SNTG1: variants seen among roughly 807,000 people sequenced by gnomAD.
SNTG1 encodes gamma-1-syntrophin.
Under a neutral mutation model 74.7 loss-of-function variants are expected in SNTG1, and 39 were observed. That is an observed-to-expected ratio of 0.52 (90% confidence interval 0.40 to 0.68). SNTG1 has a LOEUF of 0.68. Ranked by LOEUF, SNTG1 falls within the 30% of genes least tolerant of loss-of-function variation. The probability of loss-of-function intolerance (pLI) is 0.00; values close to 1 mark genes in which losing one functional copy is unlikely to be tolerated. For synonymous variants in SNTG1, 254 were observed against 217.1 expected, an observed-to-expected ratio of 1.17 and a Z score of -1.49; for missense variants, 685 against 609.5, an observed-to-expected ratio of 1.12 and a Z score of -1.30.
intron 13 of SNTG1, among the ~76,000 whole-genome samples, chr8:50,652,531 T>TCAAA (rs1382088096): frequency 6.6e-6 from 1 of 152,186 alleles, no homozygotes; most frequent in Non-Finnish European, 1.5e-5. Flanking sequence ...GTGCAGTGGC[T>TCAAA]CAAACCTGTA....
intron 15 of SNTG1, among the ~76,000 whole-genome samples, chr8:50,675,916 A>C (rs2131368308): frequency 6.6e-6 from 1 of 151,814 alleles, no homozygotes; most frequent in East Asian, 1.9e-4. Context: ...TTTGTTTATG[A>C]AGCTTAGTTT....
At chr8:50,104,476 C>T (rs556891229) in intron 1 of SNTG1, among the ~76,000 whole-genome samples, 27 of 152,054 alleles carry the variant, frequency 1.8e-4, no homozygotes, top group African/African-American at 4.8e-4. Flanking sequence ...GTCTTGCTAG[C>T]GGTCTATCAA....
At chr8:49,970,302 A>G (rs1461586210) in intron 1 of SNTG1, among the ~76,000 whole-genome samples, 1 of 152,126 alleles carries the variant, frequency 6.6e-6, no homozygotes, top group Non-Finnish European at 1.5e-5. Context: ...AGTGCTGCAA[A>G]CAGACACATA....
At chr8:50,597,478 G>C (rs1208288503) in intron 13 of SNTG1, among the ~76,000 whole-genome samples, 1 of 150,720 alleles carries the variant, frequency 6.6e-6, no homozygotes, top group Non-Finnish European at 1.5e-5. Flanking sequence ...CATTTAAGTT[G>C]ATACCATATC....
intron 2 of SNTG1, among the ~76,000 whole-genome samples, chr8:50,328,397 G>C (rs576919127): frequency 6.6e-6 from 1 of 152,272 alleles, no homozygotes; most frequent in South Asian, 2.1e-4. Context: ...CTGCTGTAAA[G>C]TAATACCCGA....
intron 1 of SNTG1, among the ~76,000 whole-genome samples, chr8:49,972,026 A>T (rs1430403004): frequency 6.6e-6 from 1 of 152,204 alleles, no homozygotes; most frequent in Non-Finnish European, 1.5e-5. Context: ...TTTCAAGTTC[A>T]TGTGGAACCA....
At chr8:50,544,322 AT>A (rs2094370271) in intron 11 of SNTG1, among the ~76,000 whole-genome samples, 1 of 151,944 alleles carries the variant, frequency 6.6e-6, no homozygotes, top group Admixed American at 6.6e-5. Context: ...CTTTGGGCAT[AT>A]TTTTGATATA....
intron 12 of SNTG1, among the ~76,000 whole-genome samples, chr8:50,588,321 T>TAACAAG (rs2094667658): frequency 1.3e-5 from 2 of 152,164 alleles, no homozygotes; most frequent in African/African-American, 4.8e-5. Flanking sequence ...GGAATTATTT[T>TAACAAG]GTATCTACAA....
intron 2 of SNTG1, among the ~76,000 whole-genome samples, chr8:50,390,983 G>A (rs1398447053): frequency 6.6e-6 from 1 of 152,032 alleles, no homozygotes; most frequent in African/African-American, 2.4e-5. Flanking sequence ...AAGATGATGG[G>A]GTTTTCTAAA....
intron 15 of SNTG1, among the ~76,000 whole-genome samples, chr8:50,678,461 C>T (rs2095317982): frequency 6.6e-6 from 1 of 152,028 alleles, no homozygotes; most frequent in Non-Finnish European, 1.5e-5. Context: ...TGTGGTTGGA[C>T]AGGGCTGTAA....
At chr8:50,734,835 ATCTATATATATG>A (rs2095522845) in intron 17 of SNTG1, among the ~76,000 whole-genome samples, 3 of 91,804 alleles carry the variant, frequency 3.3e-5, no homozygotes, top group Non-Finnish European at 4.4e-5. Context: ...ACATATATAT[ATCTATATATATG>A]GACATATATA....
At chr8:50,434,588 G>A (rs2093280384) in intron 4 of SNTG1, among the ~76,000 whole-genome samples, 1 of 152,138 alleles carries the variant, frequency 6.6e-6, no homozygotes, top group South Asian at 2.1e-4. Flanking sequence ...ATTCTAACTG[G>A]TGTGAGATGG....
At chr8:50,683,597 A>G (rs2095339828) in intron 15 of SNTG1, among the ~76,000 whole-genome samples, 1 of 152,206 alleles carries the variant, frequency 6.6e-6, no homozygotes, top group Non-Finnish European at 1.5e-5. Flanking sequence ...CCTAGGCAAG[A>G]TACTAATACA....
chr8:50,515,872 A>G (rs533657481), intron 9 of SNTG1, among the ~76,000 whole-genome samples: 1 of 152,094 alleles, frequency 6.6e-6, no homozygotes, highest in South Asian at 2.1e-4. Flanking sequence ...GGCTGTGGGC[A>G]CGGCTTCAGC....
intron 2 of SNTG1, among the ~76,000 whole-genome samples, chr8:50,185,994 T>C (rs1158772366): frequency 2.0e-5 from 3 of 152,126 alleles, no homozygotes; most frequent in South Asian, 4.1e-4. Flanking sequence ...ATGCTCTCCA[T>C]ACCCTAGACT....
intron 8 of SNTG1, among the ~76,000 whole-genome samples, chr8:50,459,979 C>G (rs946969613): frequency 6.6e-6 from 1 of 152,084 alleles, no homozygotes; most frequent in South Asian, 2.1e-4. Flanking sequence ...CAAGTGAATG[C>G]GTGTGTCTTT....
chr8:49,947,486 T>G (rs1371595126), intron 1 of SNTG1, among the ~76,000 whole-genome samples: 1 of 152,210 alleles, frequency 6.6e-6, no homozygotes, highest in East Asian at 1.9e-4. Flanking sequence ...TTTTACCCCA[T>G]TTCCACTGAT....
chr8:50,028,595 T>G (rs1817475570), intron 1 of SNTG1, among the ~76,000 whole-genome samples: 2 of 146,102 alleles, frequency 1.4e-5, no homozygotes, highest in Non-Finnish European at 3.0e-5. Flanking sequence ...AGAGATACAG[T>G]TTTGGGAGGG....
At chr8:50,420,616 C>G (rs904675568) in intron 4 of SNTG1, among the ~76,000 whole-genome samples, 6 of 152,062 alleles carry the variant, frequency 3.9e-5, no homozygotes, top group African/African-American at 9.7e-5. Flanking sequence ...AAATATAATA[C>G]ATTTTCCTTT....
Sources: gnomAD v4.1 joint callset for allele counts (sites outside exome capture counted in the v4.1 genomes callset) on GRCh38, gnomAD v4.1.1 for gene constraint, MANE v1.5 for transcripts, NCBI Gene and HGNC (gene_info 2026-07-23, HGNC 2026-07-21) for gene names.